TMEM184B: variants seen among roughly 807,000 people sequenced by gnomAD.
TMEM184B encodes transmembrane protein 184B, also known as putative MAPK-activating protein FM08.
TMEM184B carries 17 observed loss-of-function variants against 41.8 expected under a neutral mutation model. That is an observed-to-expected ratio of 0.41 (90% CI 0.28 to 0.61). The LOEUF (loss-of-function observed/expected upper bound fraction) is 0.61. Among genes scored for constraint, TMEM184B ranks in the 20% least tolerant of loss-of-function variants. The probability of loss-of-function intolerance (pLI) is 0.34; values close to 1 mark genes in which losing one functional copy is unlikely to be tolerated. For missense variants in TMEM184B, 393 were observed against 557.8 expected (o/e 0.70, Z 2.98); for synonymous variants, 240 against 229.5 (o/e 1.05, Z -0.41).
At chr22:38,234,277 G>A (rs2091713306) in intron 3 of TMEM184B, among the ~76,000 whole-genome samples, 1 of 152,142 alleles carries the variant, frequency 6.6e-6, no homozygotes, top group Non-Finnish European at 1.5e-5. Flanking sequence ...CAGTCACCAT[G>A]CAGCGGGGAA....
intron 1 of TMEM184B, among the ~76,000 whole-genome samples, chr22:38,267,312 C>T (rs1273196042): frequency 5.3e-5 from 8 of 152,094 alleles, no homozygotes; most frequent in Non-Finnish European, 1.2e-4. Context: ...GAGGTGTCCA[C>T]CAAGCTTCCT....
At chr22:38,227,835 C>T (rs887655849) in intron 5 of TMEM184B, among the ~76,000 whole-genome samples, 4 of 152,214 alleles carry the variant, frequency 2.6e-5, no homozygotes, top group East Asian at 1.9e-4. Flanking sequence ...GGCTGAGCCA[C>T]GGAAAGAGTT....
At chr22:38,236,294 G>A (rs975691753) in intron 3 of TMEM184B, among the ~76,000 whole-genome samples, 1 of 152,004 alleles carries the variant, frequency 6.6e-6, no homozygotes, top group Non-Finnish European at 1.5e-5. Flanking sequence ...AGAGACAAAT[G>A]CACAGTATCA....
At position 38,225,230 on chromosome 22, in the gene TMEM184B, G is replaced by A. The variant is rs116607322; in HGVS notation, c.787+194C>T. ...CCTGGGCCCTCTCATCCATGTAGCG[G>A]CCCCACCAAAGCTCTCCCTAGCCCC... On this transcript the variant is annotated intron_variant, in intron 7 of 8. Transcript: ENST00000361906. This position sits in a 1 kb window ranked among gnomAD's most constrained non-coding sequence, Gnocchi z 4.4. Among the ~76,000 whole-genome samples, 6 of 152,064 alleles carry A rather than the reference G, an allele frequency of 3.9e-5. No homozygotes were observed. The highest frequency in any genetic ancestry group is 1.4e-4 in the African/African-American group (6 of 41,392).
chr22:38,227,301 G>A (rs2091473692), intron 5 of TMEM184B, among the ~76,000 whole-genome samples: 1 of 152,104 alleles, frequency 6.6e-6, no homozygotes, highest in Non-Finnish European at 1.5e-5. Context: ...GGAGATGAGA[G>A]GCTCGACAGG....
intron 3 of TMEM184B, among the ~76,000 whole-genome samples, chr22:38,238,733 T>C (rs977557942): frequency 5.3e-5 from 8 of 152,304 alleles, no homozygotes; most frequent in African/African-American, 1.4e-4. Context: ...TTCACACTTT[T>C]CCAGGGGAGA....
intron 1 of TMEM184B, among the ~76,000 whole-genome samples, chr22:38,252,768 C>G (rs138216676): frequency 1.3e-5 from 2 of 152,288 alleles, no homozygotes; most frequent in East Asian, 3.9e-4. Context: ...TCTCTCGGAG[C>G]CTCAGTTTCT....
chr22:38,221,092 C>A lies in TMEM184B; in HGVS notation c.*377G>T. 9.3e-7 allele frequency: 1 copy of A among 1,077,566 alleles called. No individual in the cohort carries two copies. Among genetic ancestry groups the A allele is most frequent in the Non-Finnish European group, 1.1e-6 (1 of 887,682 alleles). The allele number at this position is 1,077,566 out of a possible 1,614,324, so 66.8% of individuals were successfully genotyped here. The stretch of plus-strand genomic sequence containing the variant: ...GGGAGCCACGGCTTGCCGACCTCAG[C>A]CTGAGAGTCTCGCGGGGAGGAGGGG... On this transcript the variant is annotated 3_prime_UTR_variant, in exon 9 of 9. Transcript: ENST00000361906.
chr22:38,226,156 C>T lies in TMEM184B; in HGVS notation c.618-563G>A, dbSNP rs1490171869. Reference sequence around the variant, plus strand: ...GTGCAATGGCGTGATCTTGGCTCACCGCAACCTCTGCCTCCTGGGTTCAAG... The same window carrying T: ...GTGCAATGGCGTGATCTTGGCTCACTGCAACCTCTGCCTCCTGGGTTCAAG... On this transcript the variant is annotated intron_variant, in intron 6 of 8. Coordinates refer to ENST00000361906, the MANE Select transcript of TMEM184B (RefSeq NM_012264.5). The surrounding 1 kb of genome is among the most constrained non-coding windows in gnomAD (Gnocchi z 4.6). 1.3e-5 allele frequency among the ~76,000 whole-genome samples: 2 copies of T among 151,540 alleles called. No homozygotes were observed. Among genetic ancestry groups the T allele is most frequent in the African/African-American group, 2.4e-5 (1 of 41,182 alleles).
intron 3 of TMEM184B, among the ~76,000 whole-genome samples, chr22:38,232,659 G>A (rs747787963): frequency 6.6e-5 from 10 of 152,144 alleles, no homozygotes; most frequent in Non-Finnish European, 1.3e-4. Flanking sequence ...CTTCTCATCT[G>A]ACCCCGCCAG....
chr22:38,217,830 CAAAAA>C (rs374397588), downstream of TMEM184B, among the ~76,000 whole-genome samples: 5 of 87,860 alleles, frequency 5.7e-5, no homozygotes, highest in African/African-American at 1.9e-4. Context: ...GACTCCATCT[CAAAAA>C]AAAAAAAAAA....
chr22:38,218,707 C>A (rs1004801753), downstream of TMEM184B, among the ~76,000 whole-genome samples: 3 of 152,302 alleles, frequency 2.0e-5, no homozygotes, highest in Admixed American at 6.5e-5. Flanking sequence ...CTCAGGCCTG[C>A]GGGAAGGGCA....
At position 38,226,131 on chromosome 22, in the gene TMEM184B, G is replaced by A. The variant is rs1411803918; in HGVS notation, c.618-538C>T. ...TTTTGTTCTTGTCACCCAGGCTAGA[G>A]TGCAATGGCGTGATCTTGGCTCACC... On this transcript the variant is annotated intron_variant, in intron 6 of 8. Transcript: ENST00000361906. The surrounding 1 kb of genome is among the most constrained non-coding windows in gnomAD (Gnocchi z 4.6). Among the ~76,000 whole-genome samples, 1 of 150,796 alleles carries A rather than the reference G, an allele frequency of 6.6e-6. No homozygotes were observed. Among genetic ancestry groups the A allele is most frequent in the East Asian group, 1.9e-4 (1 of 5,136 alleles).
At chr22:38,222,577 C>T in intron 8 of TMEM184B, 2 of 985,000 alleles carry the variant, frequency 2.0e-6, no homozygotes, top group Non-Finnish European at 2.4e-6. Context: ...CAGAGAGACG[C>T]ATGCCAGTGA....
At chr22:38,254,016 C>A (rs1302133992) in intron 1 of TMEM184B, among the ~76,000 whole-genome samples, 2 of 152,084 alleles carry the variant, frequency 1.3e-5, no homozygotes, top group Non-Finnish European at 2.9e-5. Context: ...GCCTGGCCAA[C>A]ATGGTGAAAC....
At chr22:38,267,668 A>G (rs538981648) in intron 1 of TMEM184B, among the ~76,000 whole-genome samples, 1 of 152,140 alleles carries the variant, frequency 6.6e-6, no homozygotes, top group East Asian at 1.9e-4. Flanking sequence ...CCTGAGCTCA[A>G]GTGATCTGCC....
At position 38,267,114 on chromosome 22, in the gene TMEM184B, A is replaced by T. The variant is rs555422104; in HGVS notation, c.-59+5770T>A. 5.9e-5 allele frequency among the ~76,000 whole-genome samples: 9 copies of T among 152,158 alleles called. No individual in the cohort carries two copies. In the East Asian group the frequency reaches 1.2e-3, roughly 20 times the overall value. ...AAAAAAAAAAACAAGTACTACTTCT[A>T]ATCTCAGAGAAGCCTATTGTTTTTC... is the stretch of plus-strand genomic sequence containing the variant. On this transcript the variant is annotated intron_variant, in intron 1 of 8. Transcript: ENST00000361906.
intron 3 of TMEM184B, among the ~76,000 whole-genome samples, chr22:38,244,199 C>T (rs7287058): frequency 0.05 from 7,565 of 152,074 alleles, 651 homozygotes; most frequent in African/African-American, 0.17. Flanking sequence ...CAGGGATACA[C>T]AAGTTTCAAC....
chr22:38,269,985 T>G (rs886701525), intron 1 of TMEM184B, among the ~76,000 whole-genome samples: 4 of 152,216 alleles, frequency 2.6e-5, no homozygotes, highest in Admixed American at 1.3e-4. Context: ...AACACATGGC[T>G]GAGCATGTCA....
Sources: gnomAD v4.1 joint callset for allele counts (sites outside exome capture counted in the v4.1 genomes callset) on GRCh38, gnomAD v4.1.1 for gene constraint, Gnocchi (gnomAD v3.1) non-coding constraint, MANE v1.5 for transcripts, NCBI Gene and HGNC (gene_info 2026-07-23, HGNC 2026-07-21) for gene names.